Variants in MROH9 observed in about 807,000 individuals in gnomAD.
MROH9 encodes maestro heat like repeat family member 9.
In MROH9, 92 loss-of-function variants were observed where a neutral mutation model predicts 98.2. That is an observed-to-expected ratio of 0.94 (90% CI 0.79 to 1.11). MROH9 has a LOEUF of 1.11. MROH9 is among the 50% of genes most tolerant of loss of function. The pLI, the probability that MROH9 is intolerant of heterozygous loss-of-function variation, is 0.00. For missense variants in MROH9, 1,057 were observed against 1,014.8 expected (o/e 1.04, Z -0.57); for synonymous variants, 397 against 368.9 (o/e 1.08, Z -0.87).
At chr1:170,986,522 AG>A (rs1651137649) in intron 9 of MROH9, 38 bp from the exon 10 acceptor site, 2 of 1,591,746 alleles carry the variant, frequency 1.3e-6, no homozygotes, top group Non-Finnish European at 1.7e-6. Flanking sequence ...TGTTGGTGTG[AG>A]TAAGGCCTGA....
chr1:170,996,463 A>G (rs1571488359), intron 13 of MROH9, 44 bp from the exon 14 acceptor site: 3 of 1,601,398 alleles, frequency 1.9e-6, no homozygotes, highest in African/African-American at 1.3e-5. Context: ...AGTTTTTTGA[A>G]TATCACCGGC....
intron 20 of MROH9, among the ~76,000 whole-genome samples, chr1:171,032,928 C>T (rs1420640759): frequency 2.0e-5 from 3 of 152,218 alleles, no homozygotes; most frequent in South Asian, 2.1e-4. Context: ...TCCTTAGGGG[C>T]TCAGGTCCTG....
At chr1:171,046,508 AC>A (rs1653477551) in intron 20 of MROH9, among the ~76,000 whole-genome samples, 1 of 152,192 alleles carries the variant, frequency 6.6e-6, no homozygotes, top group Middle Eastern at 3.2e-3. Flanking sequence ...AGTCTTATAA[AC>A]CATTATGTTA....
chr1:170,936,148 G>A (rs1353290745), intron 1 of MROH9, among the ~76,000 whole-genome samples: 1 of 152,034 alleles, frequency 6.6e-6, no homozygotes, highest in Non-Finnish European at 1.5e-5. Flanking sequence ...TAGTAAGGAT[G>A]AGAGAAACCA....
intron 7 of MROH9, among the ~76,000 whole-genome samples, chr1:170,968,241 A>G (rs1415015205): frequency 6.6e-6 from 1 of 152,218 alleles, no homozygotes; most frequent in East Asian, 1.9e-4. Flanking sequence ...GCATTAATTC[A>G]AAGGATTAAT....
chr1:170,971,993 C>G, intron 8 of MROH9, 110 bp downstream of exon 8: 1 of 1,154,274 alleles, frequency 8.7e-7, no homozygotes, highest in Non-Finnish European at 1.2e-6. Flanking sequence ...AATCCTGCCC[C>G]AAGAGTCATG....
rs535849579 is a variant in MROH9, at chr1:170,996,626, G to C, written c.1457G>C (p.Gly486Ala). 6.2e-7 allele frequency: 1 copy of C among 1,613,468 alleles called. No homozygotes were observed. The highest frequency in any genetic ancestry group is 8.5e-7 in the Non-Finnish European group (1 of 1,179,582). ...TCTGAAGATCTGTGTTACTATCATGGAGTCTGCTTTATTGCTAAGTAAGAA... is the reference window on the plus strand; with the variant it reads ...TCTGAAGATCTGTGTTACTATCATGCAGTCTGCTTTATTGCTAAGTAAGAA... ...QLSEDLCYYH[G>A]VCFIAKTLSE... Residue 486 changes from glycine (G) to alanine (A), a missense_variant, in exon 14 of 22, where the codon GGA becomes GCA. Physicochemically the swap from Gly to Ala is moderately conservative, Grantham distance 60. Transcript: ENST00000367759.
chr1:171,063,953 C>A (rs1654088613), intron 21 of MROH9, 146 bp from the exon 22 acceptor site: 1 of 791,840 alleles, frequency 1.3e-6, no homozygotes, highest in Non-Finnish European at 1.9e-6. Context: ...ATGCTATCAG[C>A]CAAAGTTACA....
chr1:171,057,022 AC>A (rs1653858519), intron 20 of MROH9, among the ~76,000 whole-genome samples: 1 of 152,228 alleles, frequency 6.6e-6, no homozygotes, highest in Non-Finnish European at 1.5e-5. Context: ...AGAATCAATG[AC>A]AAAATGCTGA....
intron 20 of MROH9, among the ~76,000 whole-genome samples, chr1:171,030,147 T>C (rs1652858063): frequency 6.6e-6 from 1 of 152,228 alleles, no homozygotes; most frequent in Non-Finnish European, 1.5e-5. Context: ...TGATATTTCC[T>C]TATCAGTTTT....
chr1:171,034,992 A>G (rs1243721056), intron 20 of MROH9, among the ~76,000 whole-genome samples: 2 of 152,216 alleles, frequency 1.3e-5, no homozygotes, highest in African/African-American at 4.8e-5. Flanking sequence ...GAAGTGCACA[A>G]ACAAAAGGAC....
chr1:170,984,189 A>G (rs1385227234), intron 9 of MROH9, among the ~76,000 whole-genome samples: 3 of 152,284 alleles, frequency 2.0e-5, no homozygotes. Flanking sequence ...TTGAGCTAGT[A>G]GTTCAGCAAA....
At chr1:171,030,540 T>C (rs182755899) in intron 20 of MROH9, among the ~76,000 whole-genome samples, 39 of 152,360 alleles carry the variant, frequency 2.6e-4, no homozygotes, top group Non-Finnish European at 5.1e-4. Context: ...AATTTCATTG[T>C]TTACCCAGGA....
chr1:170,937,226 C>T (rs895886326), intron 1 of MROH9, among the ~76,000 whole-genome samples: 2 of 152,214 alleles, frequency 1.3e-5, no homozygotes, highest in Non-Finnish European at 2.9e-5. Context: ...CTGCATACAA[C>T]TGAAAATGCA....
chr1:170,937,515 A>ATTTTTTTTTTTTTT (rs71125282), intron 1 of MROH9, among the ~76,000 whole-genome samples: 1 of 113,554 alleles, frequency 8.8e-6, no homozygotes, highest in African/African-American at 3.5e-5. Context: ...CATAATCAGT[A>ATTTTTTTTTTTTTT]TTTTTTTTTT....
intron 7 of MROH9, among the ~76,000 whole-genome samples, chr1:170,965,848 A>G (rs907338165): frequency 1.3e-5 from 2 of 152,096 alleles, no homozygotes; most frequent in Non-Finnish European, 2.9e-5. Context: ...ATATTCACAT[A>G]TGGTTCTACA....
At chr1:171,025,510 T>C in intron 20 of MROH9, 90 bp downstream of exon 20, 4 of 836,376 alleles carry the variant, frequency 4.8e-6, no homozygotes, top group South Asian at 1.6e-5. Flanking sequence ...TTTTTTTTAA[T>C]GTCTCTGTTT....
At position 171,035,879 on chromosome 1, in the gene MROH9, C is replaced by T. The variant is rs111907319; in HGVS notation, c.2281+10459C>T. ...TAGCTATATCTGATAAAGCCGAACACATAGATATCCTATGACTCAGGAATT... is the reference window on the plus strand; with the variant it reads ...TAGCTATATCTGATAAAGCCGAACATATAGATATCCTATGACTCAGGAATT... On this transcript the variant is annotated intron_variant, in intron 20 of 21. Coordinates refer to ENST00000367759, the MANE Select transcript of MROH9 (RefSeq NM_001163629.2). Among the ~76,000 whole-genome samples, 80 of 152,218 alleles carry T rather than the reference C, an allele frequency of 5.3e-4. No homozygotes were observed. The Middle Eastern group carries it at 0.01, about 19-fold the overall frequency.
At chr1:171,057,846 A>G (rs1021972840) in intron 20 of MROH9, among the ~76,000 whole-genome samples, 1 of 152,204 alleles carries the variant, frequency 6.6e-6, no homozygotes, top group Non-Finnish European at 1.5e-5. Flanking sequence ...TCCAACCCAG[A>G]ATTTCATATC....
Sources: gnomAD v4.1 joint callset for allele counts (sites outside exome capture counted in the v4.1 genomes callset) on GRCh38, gnomAD v4.1.1 for gene constraint, MANE v1.5 for transcripts, NCBI Gene and HGNC (gene_info 2026-07-23, HGNC 2026-07-21) for gene names.